PTPRF: variants seen among roughly 807,000 people sequenced by gnomAD.
The protein encoded by PTPRF is receptor-type tyrosine-protein phosphatase F.
PTPRF carries 59 observed loss-of-function variants against 201.8 expected under a neutral mutation model. That is an observed-to-expected ratio of 0.29 (90% CI 0.24 to 0.36). The LOEUF (loss-of-function observed/expected upper bound fraction) is 0.36. Among genes scored for constraint, PTPRF ranks in the 10% least tolerant of loss-of-function variants. PTPRF has a pLI of 1.00. For missense variants in PTPRF, 2,132 were observed against 2,690.5 expected, an observed-to-expected ratio of 0.79 and a Z score of 4.59; for synonymous variants, 1,088 against 1,089.7, an observed-to-expected ratio of 1.00 and a Z score of 0.03.
At chr1:43,578,714 T>C (rs1647104638) in intron 6 of PTPRF, 96 bp from the exon 7 acceptor site, 5 of 908,600 alleles carry the variant, frequency 5.5e-6, no homozygotes, top group Non-Finnish European at 8.7e-6. Context: ...CGACATCTGG[T>C]CAACATCAGC....
At chr1:43,576,029 C>T (rs1475533772) in intron 6 of PTPRF, 6 of 1,115,546 alleles carry the variant, frequency 5.4e-6, no homozygotes, top group Non-Finnish European at 7.4e-6. Context: ...CCATCCCAAC[C>T]TCTTCAGCCT....
chr1:43,593,009 G>A (rs899413759), intron 11 of PTPRF, among the ~76,000 whole-genome samples: 5 of 152,064 alleles, frequency 3.3e-5, no homozygotes, highest in African/African-American at 7.3e-5. Context: ...CCCGCATCTC[G>A]TCTCCCCATC....
Position 43,556,549 on chromosome 1 carries a change from A to G in PTPRF, c.379+2608A>G, listed in dbSNP as rs528057136. On this transcript the variant is annotated intron_variant, in intron 5 of 33. Transcript: ENST00000359947. ...ATTACAGGCCTGAGGCACTGCGTCCAGTGTCGGTTACTGTTTTGCATCTGT... is the reference window on the plus strand; with the variant it reads ...ATTACAGGCCTGAGGCACTGCGTCCGGTGTCGGTTACTGTTTTGCATCTGT... Among the ~76,000 whole-genome samples, 4 of 152,300 alleles carry G rather than the reference A, an allele frequency of 2.6e-5. No individual in the cohort carries two copies. In the South Asian group the frequency reaches 8.3e-4, roughly 32 times the overall value.
At chr1:43,609,119 G>A (rs1302208607) in intron 21 of PTPRF, among the ~76,000 whole-genome samples, 1 of 152,122 alleles carries the variant, frequency 6.6e-6, no homozygotes, top group Non-Finnish European at 1.5e-5. Context: ...GGAGCTGCTC[G>A]CCCCTGCAAC....
At chr1:43,578,733 C>A (rs1647106152) in intron 6 of PTPRF, 77 bp from the exon 7 acceptor site, 2 of 1,052,138 alleles carry the variant, frequency 1.9e-6, no homozygotes, top group Admixed American at 3.8e-5. Context: ...GCCACAGATG[C>A]TGTCGAGACC....
At chr1:43,539,129 G>C (rs1016497172) in intron 2 of PTPRF, among the ~76,000 whole-genome samples, 1 of 152,176 alleles carries the variant, frequency 6.6e-6, no homozygotes, top group South Asian at 2.1e-4. Context: ...GTCTGTGTGC[G>C]GGATGGGTTG....
At chr1:43,524,210 CAGA>C (rs1643032627), upstream of PTPRF, among the ~76,000 whole-genome samples, 1 of 152,076 alleles carries the variant, frequency 6.6e-6, no homozygotes, top group Non-Finnish European at 1.5e-5. Context: ...TTTAGAGGCT[CAGA>C]AGTGGGAGGA....
chr1:43,591,122 A>G lies in PTPRF; in HGVS notation c.1100A>G (p.Asp367Gly). Residue 367 changes from aspartate (D) to glycine (G), a missense_variant, in exon 9 of 34, where the codon GAT (aspartate) becomes GGT (glycine). By Grantham distance (94) the Asp-to-Gly change is moderately conservative. Around this residue, in one of 6 missense-constraint regions of PTPRF, gnomAD observed 351 missense variants for 401.7 expected, o/e 0.87. Coordinates refer to ENST00000359947, the MANE Select transcript of PTPRF (RefSeq NM_002840.5). ...ACGGAGGGCCCCTTTCAGGAGGTGG[A>G]TGGTGTGGCCACCACCCGCTACAGC... Reference protein sequence around the residue: ...AGTEGPFQEVDGVATTRYSIG... With the variant: ...AGTEGPFQEVGGVATTRYSIG... 3 of 1,613,748 alleles carry G rather than the reference A, an allele frequency of 1.9e-6. No individual in the cohort carries two copies. Among genetic ancestry groups the G allele is most frequent in the Non-Finnish European group, 2.5e-6 (3 of 1,180,038 alleles).
chr1:43,535,056 AACCCACCCTCCC>A (rs1464846466), intron 1 of PTPRF, among the ~76,000 whole-genome samples: 1 of 152,094 alleles, frequency 6.6e-6, no homozygotes, highest in Non-Finnish European at 1.5e-5. Flanking sequence ...GGATGGTGTA[AACCCACCCTCCC>A]ATCAGGGGTC....
intron 7 of PTPRF, among the ~76,000 whole-genome samples, chr1:43,584,561 C>T (rs546699946): frequency 6.6e-6 from 1 of 152,272 alleles, no homozygotes; most frequent in South Asian, 2.1e-4. Context: ...CCCACCCCAC[C>T]CTATGGTCCC....
intron 7 of PTPRF, among the ~76,000 whole-genome samples, chr1:43,583,806 C>T (rs1648386962): frequency 6.6e-6 from 1 of 152,202 alleles, no homozygotes; most frequent in South Asian, 2.1e-4. Context: ...AAATTAAGAT[C>T]CTCCTACCTG....
chr1:43,523,270 C>T (rs1420538234), upstream of PTPRF, among the ~76,000 whole-genome samples: 2 of 152,026 alleles, frequency 1.3e-5, no homozygotes, highest in Non-Finnish European at 2.9e-5. Flanking sequence ...TGGGCTCCTC[C>T]CCATCAAGGG....
At chr1:43,608,683 C>T (rs1414607904) in intron 21 of PTPRF, among the ~76,000 whole-genome samples, 3 of 152,224 alleles carry the variant, frequency 2.0e-5, no homozygotes, top group Non-Finnish European at 4.4e-5. Context: ...GAGACAGTCT[C>T]GCACAGAGCA....
chr1:43,614,621 C>T (rs901473798), intron 23 of PTPRF, among the ~76,000 whole-genome samples: 13 of 152,088 alleles, frequency 8.5e-5, no homozygotes, highest in African/African-American at 1.7e-4. Flanking sequence ...GAGGCCGAGG[C>T]GGGTGGATCA....
intron 1 of PTPRF, among the ~76,000 whole-genome samples, chr1:43,533,617 A>AC (rs1643826407): frequency 1.3e-5 from 2 of 152,242 alleles, no homozygotes; most frequent in African/African-American, 4.8e-5. Context: ...TCCCTGTAAA[A>AC]TGGGGTAGCT....
chr1:43,587,967 C>G (rs1649592038), intron 7 of PTPRF, among the ~76,000 whole-genome samples: 1 of 151,886 alleles, frequency 6.6e-6, no homozygotes, highest in Non-Finnish European at 1.5e-5. Flanking sequence ...AGCCACCCCT[C>G]CCCTTGAGAC....
At chr1:43,525,491 G>A (rs1643070701), upstream of PTPRF, among the ~76,000 whole-genome samples, 1 of 152,060 alleles carries the variant, frequency 6.6e-6, no homozygotes. Context: ...AAAATGGAGG[G>A]GAAGAGTCAT....
At chr1:43,610,614 T>G (rs1656201225) in intron 22 of PTPRF, among the ~76,000 whole-genome samples, 1 of 152,232 alleles carries the variant, frequency 6.6e-6, no homozygotes, top group South Asian at 2.1e-4. Flanking sequence ...GCGTGGTGGC[T>G]CATGCCTGTG....
At chr1:43,583,804 ATCC>A (rs1648386071) in intron 7 of PTPRF, among the ~76,000 whole-genome samples, 1 of 151,954 alleles carries the variant, frequency 6.6e-6, no homozygotes, top group Non-Finnish European at 1.5e-5. Context: ...CCAAATTAAG[ATCC>A]TCCTACCTGC....
Sources: allele counts gnomAD v4.1 joint callset (sites outside exome capture counted in the v4.1 genomes callset), GRCh38; gene constraint gnomAD v4.1.1; regional missense constraint gnomAD v4.1.1; transcripts MANE v1.5; gene names NCBI Gene and HGNC (gene_info 2026-07-23, HGNC 2026-07-21).